The following SLC5A5 variants were observed in gnomAD, a reference collection of about 807,000 sequenced individuals.
The protein encoded by SLC5A5 is solute carrier family 5 member 5, also known as sodium/iodide cotransporter.
In SLC5A5, 56 loss-of-function variants were observed where a neutral mutation model predicts 68.6. The observed-to-expected ratio is 0.82, with a 90% CI of 0.66 to 1.02. SLC5A5 has a LOEUF of 1.02. SLC5A5 is among the 50% of genes least tolerant of loss of function. The probability of loss-of-function intolerance (pLI) is 0.00; values close to 1 mark genes in which losing one functional copy is unlikely to be tolerated. For synonymous variants in SLC5A5, 398 were observed against 373.0 expected, an observed-to-expected ratio of 1.07 and a Z score of -0.77; for missense variants, 807 against 859.8, an observed-to-expected ratio of 0.94 and a Z score of 0.77.
intron 5 of SLC5A5, among the ~76,000 whole-genome samples, chr19:17,877,193 A>AGAAT (rs141491467): frequency 0.018 from 2,778 of 152,216 alleles, 87 homozygotes; most frequent in African/African-American, 0.064. Flanking sequence ...GGGCAAAGAA[A>AGAAT]GGTTTTTAAG....
Position 17,883,842 on chromosome 19 carries a change from G to A in SLC5A5, c.1330-8G>A, listed in dbSNP as rs1239262624. On this transcript the variant is annotated splice_polypyrimidine_tract_variant and splice_region_variant and intron_variant, in intron 11 of 14. Coordinates refer to ENST00000222248, the MANE Select transcript of SLC5A5 (RefSeq NM_000453.3). Reference sequence around the variant, plus strand: ...CCTCCCCTTCCCTGACGCCGGCTCTGCCCCCAGGGCGTCCTCGCGGGACTA... The same window carrying A: ...CCTCCCCTTCCCTGACGCCGGCTCTACCCCCAGGGCGTCCTCGCGGGACTA... 1.2e-6 allele frequency: 2 copies of A among 1,601,368 alleles called. No individual in the cohort carries two copies. Among genetic ancestry groups the A allele is most frequent in the Admixed American group, 3.4e-5 (2 of 58,742 alleles).
rs2094302889 is a variant in SLC5A5 at position 17,874,737 on chromosome 19, T to TCCCC, written c.543+6_543+7insCCCC. 1.2e-6 allele frequency: 2 copies of TCCCC among 1,613,836 alleles called. No individual in the cohort carries two copies. The highest frequency in any genetic ancestry group is 2.7e-5 in the African/African-American group (2 of 74,910). On this transcript the variant is annotated splice_region_variant and intron_variant, in intron 4 of 14. Coordinates refer to ENST00000222248, the MANE Select transcript of SLC5A5 (RefSeq NM_000453.3). ...GCACCTTCTACACGGCTGTGGTGAG[T>TCCCC]GGCCCTGGGAACTCACTCCATACGG...
intron 7 of SLC5A5, 74 bp from the exon 8 acceptor site, chr19:17,880,791 C>A: frequency 9.5e-7 from 1 of 1,054,722 alleles, no homozygotes; most frequent in Non-Finnish European, 1.5e-6. Context: ...TGGGGACGTG[C>A]AGCATCAGGA....
intron 14 of SLC5A5, among the ~76,000 whole-genome samples, chr19:17,892,695 A>AGAGAGAGAGAGAGAGG (rs528009112): frequency 4.0e-5 from 6 of 148,606 alleles, no homozygotes; most frequent in Non-Finnish European, 8.9e-5. Flanking sequence ...AGAGAGAGAG[A>AGAGAGAGAGAGAGAGG]GAGCAAGCTA....
Position 17,880,284 on chromosome 19 carries a change from C to G in SLC5A5, c.970-581C>G, listed in dbSNP as rs375298266. Among the ~76,000 whole-genome samples, 325 of 151,582 alleles carry G rather than the reference C, an allele frequency of 2.1e-3. 2 individuals carry two copies. Among genetic ancestry groups the G allele is most frequent in the Middle Eastern group, 6.8e-3 (2 of 294 alleles). On this transcript the variant is annotated intron_variant, in intron 7 of 14. Transcript: ENST00000222248. ...GGCTGGAGTGCAACGGCGCGATCTC[C>G]GCTCGCTGCAACCTCTACCTCTCAG...
At chr19:17,874,110 C>G in intron 1 of SLC5A5, 28 bp from the exon 2 acceptor site, 1 of 1,562,312 alleles carries the variant, frequency 6.4e-7, no homozygotes, top group Non-Finnish European at 8.8e-7. Context: ...TAAGGACTGT[C>G]CAGGTGACCT....
chr19:17,884,151 T>C, intron 12 of SLC5A5, 105 bp downstream of exon 12: 1 of 1,067,802 alleles, frequency 9.4e-7, no homozygotes, highest in Non-Finnish European at 1.4e-6. Flanking sequence ...ATTAGTAAAA[T>C]GCATTCCTGG....
chr19:17,882,961 G>C (rs1473367241), intron 10 of SLC5A5, among the ~76,000 whole-genome samples: 1 of 152,086 alleles, frequency 6.6e-6, no homozygotes, highest in Non-Finnish European at 1.5e-5. Flanking sequence ...GGGATTACAG[G>C]CGTGAGCCAC....
intron 4 of SLC5A5, among the ~76,000 whole-genome samples, chr19:17,875,107 C>A (rs1390915070): frequency 6.6e-6 from 1 of 152,102 alleles, no homozygotes; most frequent in Non-Finnish European, 1.5e-5. Flanking sequence ...CGGTGGCTCA[C>A]GTCTGTAATC....
intron 12 of SLC5A5, among the ~76,000 whole-genome samples, chr19:17,884,759 A>G (rs1265735900): frequency 6.6e-6 from 1 of 151,824 alleles, no homozygotes; most frequent in East Asian, 1.9e-4. Context: ...GGCAACAAAA[A>G]TGAAACTCCA....
intron 14 of SLC5A5, among the ~76,000 whole-genome samples, chr19:17,893,477 A>G (rs2030278741): frequency 6.6e-6 from 1 of 152,156 alleles, no homozygotes; most frequent in African/African-American, 2.4e-5. Flanking sequence ...CAGGCATCTG[A>G]GAAAGCGTTG....
chr19:17,878,555 A>G, intron 7 of SLC5A5, among the ~76,000 whole-genome samples: 1 of 151,982 alleles, frequency 6.6e-6, no homozygotes, highest in Non-Finnish European at 1.5e-5. Flanking sequence ...ATCTGCAAGG[A>G]ATGGGAAAGG....
intron 1 of SLC5A5, among the ~76,000 whole-genome samples, chr19:17,873,359 GC>G (rs1465357448): frequency 9.2e-5 from 14 of 152,060 alleles, no homozygotes; most frequent in Admixed American, 6.6e-4. Context: ...TACTTGGGAG[GC>G]TAAGACAGGA....
intron 14 of SLC5A5, among the ~76,000 whole-genome samples, chr19:17,892,362 G>C: frequency 6.6e-6 from 1 of 150,606 alleles, no homozygotes; most frequent in East Asian, 2.0e-4. Context: ...AGAGCCAGGC[G>C]TGATGGCTCA....
chr19:17,877,990 TG>T lies in SLC5A5; in HGVS notation c.867del (p.Phe290SerfsTer2). On this transcript the variant is annotated frameshift_variant, in exon 7 of 15. Transcript: ENST00000222248. ...GCCCTGCTCATCAACCAGGTCGGCC[TG>T]TTCCTGATCGTGTCCAGCGCTGCCT... ...KLALLINQVG[L>X]FLIVSSAACC... 6.2e-7 allele frequency: 1 copy of T among 1,613,546 alleles called. No individual in the cohort carries two copies.
chr19:17,893,097 CT>C (rs549673164), intron 14 of SLC5A5, among the ~76,000 whole-genome samples: 167 of 69,974 alleles, frequency 2.4e-3, no homozygotes, highest in African/African-American at 4.6e-3. Context: ...TCTTTTTTGT[CT>C]TTTTTTTTTT....
chr19:17,882,182 C>T lies in SLC5A5; in HGVS notation c.1205C>T (p.Ala402Val). 6.2e-7 allele frequency: 1 copy of T among 1,614,112 alleles called. No homozygotes were observed. Residue 402 changes from alanine (A) to valine (V), a missense_variant, in exon 10 of 15, where the codon GCA (alanine) becomes GTA (valine). Physicochemically the swap from Ala to Val is moderately conservative, Grantham distance 64. Transcript: ENST00000222248. The part of the protein sequence containing the change: ...LIYGSACLTV[A>V]ALSSLLGGGV... ...TACGGATCGGCCTGTCTCACCGTGGCAGCCCTGTCCTCACTGCTCGGAGGA... is the reference window on the plus strand; with the variant it reads ...TACGGATCGGCCTGTCTCACCGTGGTAGCCCTGTCCTCACTGCTCGGAGGA...
At chr19:17,887,973 A>G (rs780772654) in intron 12 of SLC5A5, among the ~76,000 whole-genome samples, 6 of 152,106 alleles carry the variant, frequency 3.9e-5, no homozygotes, top group Non-Finnish European at 7.3e-5. Context: ...TTTTGGCGTC[A>G]TATCTAAGAA....
intron 5 of SLC5A5, among the ~76,000 whole-genome samples, chr19:17,876,844 G>A (rs2094308518): frequency 6.7e-6 from 1 of 150,098 alleles, no homozygotes; most frequent in Admixed American, 6.7e-5. Flanking sequence ...CCTGGTGACA[G>A]AGAGAGACTC....
Sources: allele counts gnomAD v4.1 joint callset (sites outside exome capture counted in the v4.1 genomes callset), GRCh38; gene constraint gnomAD v4.1.1; transcripts MANE v1.5; gene names NCBI Gene and HGNC (gene_info 2026-07-23, HGNC 2026-07-21).